The following FBLN7 variants were observed in gnomAD, a reference collection of about 807,000 sequenced individuals.
FBLN7 encodes the protein fibulin 7, also known as fibulin-7.
In FBLN7, 31 loss-of-function variants were observed where a neutral mutation model predicts 44.0. The observed-to-expected ratio is 0.70, with a 90% CI of 0.53 to 0.95. The LOEUF (loss-of-function observed/expected upper bound fraction) is 0.95, where lower values mean the gene tolerates loss of function less well. FBLN7 is among the 40% of genes least tolerant of loss of function. The probability of loss-of-function intolerance (pLI) is 0.00; values close to 1 mark genes in which losing one functional copy is unlikely to be tolerated. For synonymous variants in FBLN7, 262 were observed against 253.4 expected (o/e 1.03, Z -0.32); for missense variants, 573 against 618.5 (o/e 0.93, Z 0.78).
At position 112,187,851 on chromosome 2, in the gene FBLN7, C is replaced by T; in HGVS notation, c.*345C>T. 2.3e-6 allele frequency: 1 copy of T among 433,676 alleles called. No individual in the cohort carries two copies. Among genetic ancestry groups the T allele is most frequent in the African/African-American group, 2.0e-5 (1 of 50,046 alleles). 26.9% of individuals were successfully genotyped at this position (433,676 alleles called of 1,614,324 possible). On this transcript the variant is annotated 3_prime_UTR_variant, in exon 8 of 8. Transcript: ENST00000331203. The surrounding 1 kb of genome is among the most constrained non-coding windows in gnomAD (Gnocchi z 5.1). ...AACTAGCTGGGGAGAGAAAAGGTGG[C>T]AATGTGTGTCAGGTGACTATCAGCC...
the FBLN7 span, chr2:112,233,197 T>C: frequency 5.5e-6 from 6 of 1,090,046 alleles, no homozygotes; most frequent in East Asian, 5.8e-5. Context: ...ATTAAAAATT[T>C]TGCACATTTA....
intron 7 of FBLN7, among the ~76,000 whole-genome samples, chr2:112,186,829 G>A (rs1335874855): frequency 6.6e-6 from 1 of 152,128 alleles, no homozygotes; most frequent in Admixed American, 6.5e-5. Flanking sequence ...ATATTCCCAG[G>A]CTATATTTTT....
the FBLN7 span, among the ~76,000 whole-genome samples, chr2:112,243,652 C>T: frequency 2.0e-5 from 3 of 152,138 alleles, no homozygotes; most frequent in African/African-American, 7.2e-5. Context: ...GTCTATCAGT[C>T]AAAGGCTGTG....
the FBLN7 span, among the ~76,000 whole-genome samples, chr2:112,202,467 T>A: frequency 1.9e-4 from 29 of 151,992 alleles, no homozygotes; most frequent in South Asian, 8.3e-4. Flanking sequence ...AGGGTTTTTT[T>A]AAAAGGTATT....
intron 1 of FBLN7, among the ~76,000 whole-genome samples, chr2:112,149,287 C>T (rs528846135): frequency 1.8e-4 from 28 of 152,278 alleles, no homozygotes; most frequent in South Asian, 8.3e-4. Flanking sequence ...CACCATGGCC[C>T]GCTGGGAAAG....
chr2:112,162,152 T>A (rs933947881), intron 2 of FBLN7, among the ~76,000 whole-genome samples: 1 of 152,136 alleles, frequency 6.6e-6, no homozygotes, highest in Non-Finnish European at 1.5e-5. Context: ...GTAGCTAGGA[T>A]TACAGGTGCA....
chr2:112,191,427 C>T (rs150909928), downstream of FBLN7, among the ~76,000 whole-genome samples: 3,343 of 152,282 alleles, frequency 0.022, 103 homozygotes, highest in African/African-American at 0.073. Flanking sequence ...CTGCCCGCCT[C>T]GGCCTCCCAA....
the FBLN7 span, among the ~76,000 whole-genome samples, chr2:112,220,548 G>A: frequency 0.014 from 2,113 of 152,284 alleles, 28 homozygotes; most frequent in Non-Finnish European, 0.021. Flanking sequence ...AGGGCTGGGC[G>A]CGGTGGCTCA....
At chr2:112,195,622 T>C in the FBLN7 span, among the ~76,000 whole-genome samples, 1 of 152,130 alleles carries the variant, frequency 6.6e-6, no homozygotes, top group African/African-American at 2.4e-5. Flanking sequence ...CATTGCCCTC[T>C]AGGGAGTCTT....
intron 4 of FBLN7, among the ~76,000 whole-genome samples, chr2:112,178,937 A>T (rs1460537267): frequency 2.6e-5 from 4 of 152,026 alleles, no homozygotes; most frequent in Non-Finnish European, 5.9e-5. Flanking sequence ...TAAGACAGGG[A>T]TGCCCTTTCT....
chr2:112,150,615 C>T (rs760373737), intron 1 of FBLN7, among the ~76,000 whole-genome samples: 4 of 152,140 alleles, frequency 2.6e-5, no homozygotes, highest in African/African-American at 4.8e-5. Context: ...CAGCGTAGCA[C>T]GTGGTGAAGA....
At chr2:112,228,131 A>T in the FBLN7 span, among the ~76,000 whole-genome samples, 1 of 152,248 alleles carries the variant, frequency 6.6e-6, no homozygotes, top group Non-Finnish European at 1.5e-5. Flanking sequence ...TACAGAAATA[A>T]ATCCATACAT....
the FBLN7 span, chr2:112,212,450 T>C: frequency 3.9e-5 from 6 of 152,358 alleles, no homozygotes; most frequent in Admixed American, 1.3e-4. Context: ...GGGAGAAACA[T>C]GGACTTTGGG....
At chr2:112,197,687 AG>A in the FBLN7 span, among the ~76,000 whole-genome samples, 4 of 152,194 alleles carry the variant, frequency 2.6e-5, no homozygotes, top group African/African-American at 9.7e-5. Context: ...CTTCACTTCA[AG>A]TCCACATCCT....
downstream of FBLN7, among the ~76,000 whole-genome samples, chr2:112,193,114 C>G (rs1345293316): frequency 6.6e-6 from 1 of 152,102 alleles, no homozygotes; most frequent in African/African-American, 2.4e-5. Flanking sequence ...CCCATGGATA[C>G]CAAAATCCAT....
chr2:112,159,555 C>G, intron 1 of FBLN7, 121 bp from the exon 2 acceptor site: 1 of 1,213,248 alleles, frequency 8.2e-7, no homozygotes, highest in Non-Finnish European at 1.1e-6. Flanking sequence ...TTTTACGTTG[C>G]GTTGAGTGAG....
At chr2:112,175,410 A>T (rs559001828) in intron 3 of FBLN7, among the ~76,000 whole-genome samples, 2 of 152,336 alleles carry the variant, frequency 1.3e-5, no homozygotes, top group South Asian at 4.1e-4. Context: ...AAATTAGAAA[A>T]TGGTGCCTGT....
the FBLN7 span, chr2:112,234,139 A>G: frequency 6.3e-7 from 1 of 1,588,692 alleles, no homozygotes; most frequent in East Asian, 2.3e-5. Flanking sequence ...TTTCCTTTCA[A>G]GAAAATATTT....
At position 112,185,347 on chromosome 2, in the gene FBLN7, T is replaced by C. The variant is rs367774782; in HGVS notation, c.947+8T>C. On this transcript the variant is annotated splice_region_variant and intron_variant, in intron 7 of 7. Transcript: ENST00000331203. ...CGTGAAGACGTCTCCATTGTGAGTA[T>C]CTCCAGGGGAGGCACACCCTCACCC... The C allele has an allele frequency of 3.1e-6, 5 of 1,609,976 alleles. No homozygotes were observed. The highest frequency in any genetic ancestry group is 4.2e-6 in the Non-Finnish European group (5 of 1,176,918).
Sources: gnomAD v4.1 joint callset for allele counts (sites outside exome capture counted in the v4.1 genomes callset) on GRCh38, gnomAD v4.1.1 for gene constraint, Gnocchi (gnomAD v3.1) non-coding constraint, MANE v1.5 for transcripts, NCBI Gene and HGNC (gene_info 2026-07-23, HGNC 2026-07-21) for gene names.